The following GPM6A variants were observed in gnomAD, a reference collection of about 807,000 sequenced individuals.
GPM6A encodes the protein glycoprotein M6A.
Under a neutral mutation model 32.1 loss-of-function variants are expected in GPM6A, and 7 were observed. That is an observed-to-expected ratio of 0.22 (90% confidence interval 0.12 to 0.41). The LOEUF (loss-of-function observed/expected upper bound fraction) is 0.41. GPM6A is among the 10% of genes least tolerant of loss of function. The pLI is 1.00. For synonymous variants in GPM6A, 130 were observed against 123.4 expected, an observed-to-expected ratio of 1.05 and a Z score of -0.35; for missense variants, 235 against 347.2, an observed-to-expected ratio of 0.68 and a Z score of 2.57.
At chr4:175,880,206 G>T (rs192227372) in intron 1 of GPM6A, among the ~76,000 whole-genome samples, 86 of 152,194 alleles carry the variant, frequency 5.7e-4, no homozygotes, top group African/African-American at 1.9e-3. Context: ...TAGATGTGTG[G>T]TATTATTTCT....
chr4:175,719,908 T>C (rs1326735770), intron 1 of GPM6A, among the ~76,000 whole-genome samples: 1 of 152,202 alleles, frequency 6.6e-6, no homozygotes, highest in Non-Finnish European at 1.5e-5. Context: ...CAGGGAAATA[T>C]TAGTTCAAAG....
intron 1 of GPM6A, among the ~76,000 whole-genome samples, chr4:175,801,648 G>A (rs1734475844): frequency 3.9e-5 from 6 of 152,044 alleles, no homozygotes. Context: ...AATACACTAT[G>A]TTTTTTAATA....
intron 1 of GPM6A, among the ~76,000 whole-genome samples, chr4:175,894,845 C>G (rs532049921): frequency 6.6e-6 from 1 of 152,040 alleles, no homozygotes; most frequent in Non-Finnish European, 1.5e-5. Context: ...TAAGGGTCTT[C>G]GAAGTTCAAA....
chr4:175,777,695 C>T (rs1733450428), intron 1 of GPM6A, among the ~76,000 whole-genome samples: 1 of 151,912 alleles, frequency 6.6e-6, no homozygotes, highest in African/African-American at 2.4e-5. Flanking sequence ...AATTTACTAA[C>T]AGGATATTAA....
chr4:175,670,774 T>C (rs1027341987), intron 3 of GPM6A, among the ~76,000 whole-genome samples: 2 of 152,008 alleles, frequency 1.3e-5, no homozygotes, highest in African/African-American at 4.8e-5. Context: ...AAACACAGAA[T>C]GCAGACCAAG....
intron 4 of GPM6A, among the ~76,000 whole-genome samples, chr4:175,650,587 G>A (rs570924480): frequency 3.0e-4 from 45 of 152,234 alleles, no homozygotes; most frequent in African/African-American, 7.7e-4. Context: ...TTACAGGTAT[G>A]AGTCACCACG....
chr4:175,751,930 G>A (rs1208182024), intron 1 of GPM6A, among the ~76,000 whole-genome samples: 1 of 152,122 alleles, frequency 6.6e-6, no homozygotes, highest in African/African-American at 2.4e-5. Context: ...GACAGAATTT[G>A]CTCTATTTTT....
intron 1 of GPM6A, among the ~76,000 whole-genome samples, chr4:175,913,615 G>A (rs1022449203): frequency 1.3e-5 from 2 of 152,096 alleles, no homozygotes; most frequent in African/African-American, 2.4e-5. Flanking sequence ...CCACATCAGC[G>A]AATTTGCTTC....
At chr4:175,685,446 G>T (rs889011927) in intron 2 of GPM6A, among the ~76,000 whole-genome samples, 1 of 151,942 alleles carries the variant, frequency 6.6e-6, no homozygotes, top group African/African-American at 2.4e-5. Flanking sequence ...TACTTTTTTG[G>T]CTACTATAAA....
At chr4:175,697,153 A>C (rs1744625398) in intron 2 of GPM6A, among the ~76,000 whole-genome samples, 2 of 152,182 alleles carry the variant, frequency 1.3e-5, no homozygotes, top group Non-Finnish European at 2.9e-5. Context: ...GCTTATGAGT[A>C]AGACTGTTCC....
At chr4:176,002,193 G>A (rs1741506515) in intron 1 of GPM6A, 20 of 1,156,172 alleles carry the variant, frequency 1.7e-5, no homozygotes, top group East Asian at 5.1e-5. Flanking sequence ...GGCGCGGGGG[G>A]AACAGAGCTG....
At chr4:175,675,844 G>T (rs1253615722) in intron 2 of GPM6A, among the ~76,000 whole-genome samples, 1 of 151,968 alleles carries the variant, frequency 6.6e-6, no homozygotes, top group Non-Finnish European at 1.5e-5. Context: ...TAGAGACGGG[G>T]TTTTGCCATG....
intron 1 of GPM6A, among the ~76,000 whole-genome samples, chr4:175,898,239 T>C (rs557381898): frequency 1.3e-5 from 2 of 152,320 alleles, no homozygotes; most frequent in Non-Finnish European, 2.9e-5. Context: ...GTCATTCCTC[T>C]GCCTATATCA....
At chr4:175,691,128 G>A (rs892142116) in intron 2 of GPM6A, among the ~76,000 whole-genome samples, 1 of 152,052 alleles carries the variant, frequency 6.6e-6, no homozygotes, top group Non-Finnish European at 1.5e-5. Context: ...ATTAAATTAG[G>A]AAAATTAAAC....
chr4:175,824,981 T>C (rs1276625510), intron 1 of GPM6A, among the ~76,000 whole-genome samples: 1 of 152,198 alleles, frequency 6.6e-6, no homozygotes, highest in Non-Finnish European at 1.5e-5. Flanking sequence ...GCAAAAGTGA[T>C]GTAAATATAT....
rs563453727 is a variant in GPM6A at position 175,640,926 on chromosome 4, C to A, written c.542-97G>T. 16 of 713,426 alleles carry A rather than the reference C, an allele frequency of 2.2e-5. No homozygotes were observed. The East Asian group carries it at 4.0e-4, about 18-fold the overall frequency. 44.2% of individuals were successfully genotyped at this position (713,426 alleles called of 1,614,324 possible). A position where few individuals can be genotyped will look rare whatever the true frequency, so the allele number is the denominator to read the frequency against. The stretch of plus-strand genomic sequence containing the variant: ...TTTGCTAATCAAATCTAAGCAAGTT[C>A]CATTTTATCTTATGTTATGTTACAG... On this transcript the variant is annotated intron_variant, in intron 4 of 6. Transcript: ENST00000393658.
chr4:175,657,537 C>G (rs1180823152), intron 3 of GPM6A, among the ~76,000 whole-genome samples: 1 of 152,108 alleles, frequency 6.6e-6, no homozygotes, highest in African/African-American at 2.4e-5. Context: ...TAGACTCTGA[C>G]AGGGTACTAT....
At chr4:175,667,426 T>G (rs1181874514) in intron 3 of GPM6A, among the ~76,000 whole-genome samples, 5 of 152,144 alleles carry the variant, frequency 3.3e-5, no homozygotes, top group Admixed American at 3.3e-4. Context: ...ACAATGAAAG[T>G]CTTAGAAAAT....
intron 1 of GPM6A, among the ~76,000 whole-genome samples, chr4:175,911,671 G>A (rs978430852): frequency 3.9e-5 from 6 of 152,166 alleles, no homozygotes; most frequent in Admixed American, 2.0e-4. Flanking sequence ...TGAAAATCAG[G>A]AGATATTCTG....
Sources: allele counts gnomAD v4.1 joint callset (sites outside exome capture counted in the v4.1 genomes callset), GRCh38; gene constraint gnomAD v4.1.1; transcripts MANE v1.5; gene names NCBI Gene and HGNC (gene_info 2026-07-23, HGNC 2026-07-21).